Variants in UBE2T observed in about 807,000 individuals in gnomAD.
The protein encoded by UBE2T is ubiquitin conjugating enzyme E2 T, also known as ubiquitin-conjugating enzyme E2 T.
Under a neutral mutation model 23.3 loss-of-function variants are expected in UBE2T, and 15 were observed. The ratio of observed to expected loss-of-function variants is 0.64; its 90% CI spans 0.43 to 0.99. The LOEUF is 0.99. UBE2T is among the 50% of genes least tolerant of loss of function. The probability of loss-of-function intolerance (pLI) is 0.00; values close to 1 mark genes in which losing one functional copy is unlikely to be tolerated. For synonymous variants in UBE2T, 67 were observed against 78.4 expected (o/e 0.85, Z 0.77); for missense variants, 197 against 234.9 (o/e 0.84, Z 1.05).
chr1:202,339,140 G>C (rs1654945359), intron 1 of UBE2T, among the ~76,000 whole-genome samples: 1 of 141,392 alleles, frequency 7.1e-6, no homozygotes, highest in South Asian at 2.2e-4. Flanking sequence ...TTTGTTACTA[G>C]GTTGTCTGGA....
chr1:202,332,479 G>T (rs1305029583), intron 6 of UBE2T, among the ~76,000 whole-genome samples: 1 of 152,220 alleles, frequency 6.6e-6, no homozygotes, highest in Non-Finnish European at 1.5e-5. Flanking sequence ...TGCCCAATAG[G>T]TGACAACTGT....
In UBE2T at chr1:202,335,834, G is replaced by C. The variant is rs530008660; in HGVS notation, c.-64-16C>G. The C allele has an allele frequency of 1.1e-4, 141 of 1,294,976 alleles. 2 individuals carry two copies. In the South Asian group the frequency reaches 1.6e-3, roughly 15 times the overall value. The allele number at this position is 1,294,976 out of a possible 1,614,324, so 80.2% of individuals were successfully genotyped here. Reference sequence around the variant, plus strand: ...CTGGGATGCACTGGAGGAGAAAAGAGGTGACCATAAAATCATCAGCAATAA... The same window carrying C: ...CTGGGATGCACTGGAGGAGAAAAGACGTGACCATAAAATCATCAGCAATAA... On this transcript the variant is annotated splice_polypyrimidine_tract_variant and intron_variant, in intron 1 of 6. Transcript: ENST00000646651. This position sits in a 1 kb window ranked among gnomAD's most constrained non-coding sequence, Gnocchi z 4.0.
chr1:202,335,796 CACTAAG>C lies in UBE2T; in HGVS notation c.-48_-43del, dbSNP rs752214775. 11 of 1,573,024 alleles carry C rather than the reference CACTAAG, an allele frequency of 7.0e-6. No individual in the cohort carries two copies. The highest frequency in any genetic ancestry group is 1.1e-5 in the South Asian group (1 of 90,224). On this transcript the variant is annotated 5_prime_UTR_variant, in exon 2 of 7. Transcript: ENST00000646651. The surrounding 1 kb of genome is among the most constrained non-coding windows in gnomAD (Gnocchi z 4.0). ...GAACCACACACAGTTCACTGCTCCACACTAAGAGCTGCCTGGGATGCACTGGAGGAG... is the reference window on the plus strand; with the variant it reads ...GAACCACACACAGTTCACTGCTCCACAGCTGCCTGGGATGCACTGGAGGAG...
Position 202,333,104 on chromosome 1 carries a change from A to G in UBE2T, c.385-11T>C, listed in dbSNP as rs17490864. On this transcript the variant is annotated splice_polypyrimidine_tract_variant and intron_variant, in intron 5 of 6. Coordinates refer to ENST00000646651, the MANE Select transcript of UBE2T (RefSeq NM_014176.4). Reference sequence around the variant, plus strand: ...TTTAAATTCTGAGGACTGAGATGAAATCAAAGAAAAGAGTTAATGGAGAAA... The same window carrying G: ...TTTAAATTCTGAGGACTGAGATGAAGTCAAAGAAAAGAGTTAATGGAGAAA... The G allele has an allele frequency of 0.11, 169,406 of 1,611,924 alleles. 10,600 individuals are homozygous for G. Among genetic ancestry groups the G allele is most frequent in the Non-Finnish European group, 0.13 (150,460 of 1,178,148 alleles).
At chr1:202,337,220 C>T (rs1229352306) in intron 1 of UBE2T, among the ~76,000 whole-genome samples, 2 of 152,166 alleles carry the variant, frequency 1.3e-5, no homozygotes, top group South Asian at 4.1e-4. Context: ...GGATTACAGG[C>T]GTGAGCCACC....
intron 3 of UBE2T, 35 bp downstream of exon 3, chr1:202,334,954 T>G: frequency 6.3e-7 from 1 of 1,591,420 alleles, no homozygotes; most frequent in Non-Finnish European, 8.6e-7. Flanking sequence ...TAAATGCACT[T>G]CACCATGTAG....
intron 1 of UBE2T, among the ~76,000 whole-genome samples, chr1:202,341,382 T>G (rs1442817034): frequency 6.7e-6 from 1 of 150,238 alleles, no homozygotes. Context: ...ATCGAGACCA[T>G]CCCGGCTAAA....
At chr1:202,338,265 G>C (rs1344897817) in intron 1 of UBE2T, among the ~76,000 whole-genome samples, 3 of 150,816 alleles carry the variant, frequency 2.0e-5, no homozygotes, top group African/African-American at 7.3e-5. Flanking sequence ...TGTTGCCCAG[G>C]CTGGAGTGCA....
intron 6 of UBE2T, among the ~76,000 whole-genome samples, chr1:202,332,386 A>C (rs1040302764): frequency 2.6e-5 from 4 of 152,232 alleles, no homozygotes; most frequent in African/African-American, 9.6e-5. Context: ...AACTTAGAAA[A>C]AAAGAATCTG....
chr1:202,339,502 T>C lies in UBE2T; in HGVS notation c.-65+2393A>G, dbSNP rs550422769. 1.7e-4 allele frequency among the ~76,000 whole-genome samples: 25 copies of C among 149,452 alleles called. No individual in the cohort carries two copies. The South Asian group carries it at 2.9e-3, about 17-fold the overall frequency. On this transcript the variant is annotated intron_variant, in intron 1 of 6. Transcript: ENST00000646651. Reference sequence around the variant, plus strand: ...AAAAATAGAAAATGAGAAAAAATACTTTTTTCTTAAAAATAAAGATTTTTT... The same window carrying C: ...AAAAATAGAAAATGAGAAAAAATACCTTTTTCTTAAAAATAAAGATTTTTT...
At chr1:202,341,281 A>T (rs1188334957) in intron 1 of UBE2T, among the ~76,000 whole-genome samples, 1 of 152,160 alleles carries the variant, frequency 6.6e-6, no homozygotes, top group Non-Finnish European at 1.5e-5. Context: ...CAGATGTTGA[A>T]GAAGACAAAA....
Position 202,335,480 on chromosome 1 carries a change from T to C in UBE2T, c.109+166A>G. On this transcript the variant is annotated intron_variant, in intron 2 of 6. Transcript: ENST00000646651. The surrounding 1 kb of genome is among the most constrained non-coding windows in gnomAD (Gnocchi z 4.0). ...AATAAAAAGTCAAAGAAGCAAGAAA[T>C]GTCAAGCAAACCTTTTATAAATGTA... 1 of 646,370 alleles carries C rather than the reference T, an allele frequency of 1.5e-6. No individual in the cohort carries two copies. The highest frequency in any genetic ancestry group is 2.0e-5 in the South Asian group (1 of 49,494). The allele number at this position is 646,370 out of a possible 1,614,324, so 40.0% of individuals were successfully genotyped here.
chr1:202,339,903 G>A (rs997453219), intron 1 of UBE2T, among the ~76,000 whole-genome samples: 2 of 152,200 alleles, frequency 1.3e-5, no homozygotes, highest in Non-Finnish European at 2.9e-5. Flanking sequence ...GGGAGGACAT[G>A]CAGAGGTTCA....
chr1:202,332,591 C>G (rs1654774424), intron 6 of UBE2T, among the ~76,000 whole-genome samples: 1 of 152,130 alleles, frequency 6.6e-6, no homozygotes, highest in South Asian at 2.1e-4. Context: ...TTCTAGAGTT[C>G]AGTACAAATT....
chr1:202,335,531 G>A lies in UBE2T; in HGVS notation c.109+115C>T. ...AACAAATTTGGGTAGAAAGATGGTA[G>A]GGCACTCTGACCTTATAACTGCTCC... On this transcript the variant is annotated intron_variant, in intron 2 of 6. Coordinates refer to ENST00000646651, the MANE Select transcript of UBE2T (RefSeq NM_014176.4). The surrounding 1 kb of genome is among the most constrained non-coding windows in gnomAD (Gnocchi z 4.0). 1.0e-6 allele frequency: 1 copy of A among 955,216 alleles called. No individual in the cohort carries two copies. The highest frequency in any genetic ancestry group is 1.6e-5 in the South Asian group (1 of 62,218). 59.2% of individuals were successfully genotyped at this position (955,216 alleles called of 1,614,324 possible).
intron 1 of UBE2T, among the ~76,000 whole-genome samples, chr1:202,339,077 C>CTTTT (rs35528865): frequency 1.9e-5 from 2 of 107,832 alleles, no homozygotes; most frequent in African/African-American, 3.8e-5. Flanking sequence ...GTATTGCCTC[C>CTTTT]TTTTTTTTTT....
Position 202,335,769 on chromosome 1 carries a change from A to C in UBE2T, c.-15T>G. 3 of 1,611,638 alleles carry C rather than the reference A, an allele frequency of 1.9e-6. No individual in the cohort carries two copies. In the South Asian group the frequency reaches 3.3e-5, roughly 18 times the overall value. On this transcript the variant is annotated 5_prime_UTR_variant, in exon 2 of 7. Transcript: ENST00000646651. The surrounding 1 kb of genome is among the most constrained non-coding windows in gnomAD (Gnocchi z 4.0). ...GCTCTCTGCATGATCCCCAAGTAGA[A>C]GGAACCACACACAGTTCACTGCTCC...
intron 6 of UBE2T, among the ~76,000 whole-genome samples, chr1:202,332,722 A>C (rs1002239552): frequency 2.2e-4 from 33 of 150,272 alleles, no homozygotes; most frequent in African/African-American, 7.6e-4. Flanking sequence ...TCCCGGCTAA[A>C]ACGGTGAAAC....
chr1:202,336,303 T>C (rs1484430691), intron 1 of UBE2T, among the ~76,000 whole-genome samples: 3 of 141,876 alleles, frequency 2.1e-5, no homozygotes, highest in African/African-American at 7.8e-5. Context: ...CTCACTGCAA[T>C]CTCCACCTGC....
Sources: allele counts gnomAD v4.1 joint callset (sites outside exome capture counted in the v4.1 genomes callset), GRCh38; gene constraint gnomAD v4.1.1; non-coding constraint Gnocchi (gnomAD v3.1); transcripts MANE v1.5; gene names NCBI Gene and HGNC (gene_info 2026-07-23, HGNC 2026-07-21).